Variants in ZNF518A observed in about 807,000 individuals in gnomAD.
The protein encoded by ZNF518A is zinc finger protein 518A.
ZNF518A carries 47 observed loss-of-function variants against 102.7 expected under a neutral mutation model. That is an observed-to-expected ratio of 0.46 (90% CI 0.36 to 0.58). The LOEUF (loss-of-function observed/expected upper bound fraction) is 0.58, where lower values mean the gene tolerates loss of function less well. Among genes scored for constraint, ZNF518A ranks in the 20% least tolerant of loss-of-function variants. The pLI, the probability that ZNF518A is intolerant of heterozygous loss-of-function variation, is 0.00. For missense variants in ZNF518A, 1,793 were observed against 1,699.8 expected (o/e 1.05, Z -0.96); for synonymous variants, 652 against 594.6 (o/e 1.10, Z -1.40).
chr10:96,201,186 G>T, intron 1 of ZNF518A: 1 of 822,894 alleles, frequency 1.2e-6, no homozygotes, highest in Non-Finnish European at 2.0e-6. Context: ...TAAGGCAATG[G>T]TTCCAAAAGT....
At chr10:96,189,380 G>T in intron 1 of ZNF518A, 1 of 575,882 alleles carries the variant, frequency 1.7e-6, no homozygotes, top group Admixed American at 2.1e-5. Flanking sequence ...TTCCTCCACT[G>T]CCAGGATCTT....
chr10:96,200,176 C>T lies in ZNF518A; in HGVS notation n.36-3398C>T, dbSNP rs370206675. ...CCAGCTTCCTGTGAAATGGAGGGCA[C>T]TGGTCAGCATGGGATGGTCCCTACT... On this transcript the variant is annotated intron_variant and non_coding_transcript_variant, in intron 1 of 2. Transcript: ENST00000442635. The surrounding 1 kb of genome is among the most constrained non-coding windows in gnomAD (Gnocchi z 4.3). The T allele has an allele frequency of 1.2e-6, 2 of 1,611,482 alleles. No homozygotes were observed. Among genetic ancestry groups the T allele is most frequent in the Non-Finnish European group, 1.7e-6 (2 of 1,177,898 alleles).
intron 1 of ZNF518A, among the ~76,000 whole-genome samples, chr10:96,203,102 G>A (rs1554896628): frequency 6.6e-6 from 1 of 152,002 alleles, no homozygotes; most frequent in African/African-American, 2.4e-5. Context: ...ATGAGGACAG[G>A]GTCTTTATTT....
intron 1 of ZNF518A, among the ~76,000 whole-genome samples, chr10:96,194,331 G>A (rs1221171740): frequency 1.3e-5 from 2 of 152,162 alleles, no homozygotes; most frequent in East Asian, 3.8e-4. Context: ...AGATTCAAGA[G>A]TTTTGCATTT....
chr10:96,145,432 C>T (rs2082126870), intron 3 of ZNF518A, among the ~76,000 whole-genome samples: 1 of 152,196 alleles, frequency 6.6e-6, no homozygotes, highest in Admixed American at 6.5e-5. Flanking sequence ...TATTAATTCC[C>T]ATTACTTTTT....
chr10:96,177,535 A>G (rs1212134954), intron 1 of ZNF518A, among the ~76,000 whole-genome samples: 1 of 152,212 alleles, frequency 6.6e-6, no homozygotes, highest in East Asian at 1.9e-4. Flanking sequence ...ATGTAGGAGT[A>G]AAATGTATGA....
intron 1 of ZNF518A, among the ~76,000 whole-genome samples, chr10:96,198,072 G>A (rs2083521643): frequency 1.3e-5 from 2 of 151,730 alleles, no homozygotes; most frequent in African/African-American, 4.8e-5. Flanking sequence ...TGCAACAAGA[G>A]TTGATCAAAC....
intron 3 of ZNF518A, among the ~76,000 whole-genome samples, chr10:96,141,618 T>C (rs1441847506): frequency 3.9e-5 from 6 of 152,368 alleles, no homozygotes; most frequent in African/African-American, 1.4e-4. Context: ...CCAATATCAA[T>C]TGCATACCAG....
chr10:96,193,053 A>T (rs936225948), intron 1 of ZNF518A, among the ~76,000 whole-genome samples: 17 of 152,236 alleles, frequency 1.1e-4, no homozygotes, highest in Admixed American at 1.1e-3. Context: ...AATATTCAGA[A>T]TATTGGCCAA....
intron 1 of ZNF518A, among the ~76,000 whole-genome samples, chr10:96,177,562 G>C (rs1261742404): frequency 6.6e-6 from 1 of 152,126 alleles, no homozygotes; most frequent in African/African-American, 2.4e-5. Flanking sequence ...TAGCACAAAG[G>C]CAGGGAAGGG....
intron 1 of ZNF518A, among the ~76,000 whole-genome samples, chr10:96,188,239 T>C (rs995107296): frequency 1.3e-5 from 2 of 152,222 alleles, no homozygotes; most frequent in Admixed American, 1.3e-4. Flanking sequence ...TGGACTCTTC[T>C]GCAAGATGAG....
rs2082871090 is a variant in ZNF518A at position 96,159,238 on chromosome 10, A to G, written c.2916A>G (p.Val972=). The G allele has an allele frequency of 1.2e-6, 2 of 1,613,418 alleles. No homozygotes were observed. Among genetic ancestry groups the G allele is most frequent in the East Asian group, 2.2e-5 (1 of 44,896 alleles). The stretch of plus-strand genomic sequence containing the variant: ...AAGGTATCCCTGCTTCTCTTTTTGT[A>G]AACAAGAAACCTGGGATGGTTTTAA... ...NSQGIPASLF[V]NKKPGMVLTL... Residue 972 remains valine (V), a synonymous_variant, in exon 6 of 6, where the codon GTA becomes GTG. Coordinates refer to ENST00000316045, the MANE Select transcript of ZNF518A (RefSeq NM_001330736.2).
chr10:96,141,134 T>C (rs1339522219), intron 3 of ZNF518A, among the ~76,000 whole-genome samples: 3 of 152,218 alleles, frequency 2.0e-5, no homozygotes, highest in African/African-American at 7.2e-5. Context: ...GGTTAGGCAC[T>C]TGTGTACCCA....
In ZNF518A at chr10:96,159,271, T is replaced by C. The variant is rs1554885770; in HGVS notation, c.2949T>C (p.Asn983=). Residue 983 remains asparagine, a synonymous_variant, in exon 6 of 6, where the codon AAT becomes AAC. Coordinates refer to ENST00000316045, the MANE Select transcript of ZNF518A (RefSeq NM_001330736.2). The part of the protein sequence containing the change: ...NKKPGMVLTL[N]NGKLEGVSAV... The stretch of plus-strand genomic sequence containing the variant: ...AACCTGGGATGGTTTTAACACTTAA[T>C]AATGGGAAACTTGAAGGTGTTTCCG... 8.7e-6 allele frequency: 14 copies of C among 1,613,530 alleles called. No homozygotes were observed. Among genetic ancestry groups the C allele is most frequent in the Non-Finnish European group, 9.3e-6 (11 of 1,179,714 alleles).
chr10:96,143,960 T>C (rs992860520), intron 3 of ZNF518A, among the ~76,000 whole-genome samples: 17 of 152,184 alleles, frequency 1.1e-4, no homozygotes, highest in Admixed American at 3.9e-4. Flanking sequence ...AATTTAAAAA[T>C]GTATTCTGTG....
At chr10:96,143,718 G>A (rs2082044226) in intron 3 of ZNF518A, among the ~76,000 whole-genome samples, 1 of 152,216 alleles carries the variant, frequency 6.6e-6, no homozygotes, top group Admixed American at 6.5e-5. Flanking sequence ...AAGGCTTGTG[G>A]TGGTGACATT....
At chr10:96,139,158 G>A (rs139537758) in intron 3 of ZNF518A, among the ~76,000 whole-genome samples, 3 of 152,088 alleles carry the variant, frequency 2.0e-5, no homozygotes, top group African/African-American at 7.2e-5. Context: ...GCTTGTTGGA[G>A]TATATGTACA....
At chr10:96,156,124 C>A in intron 5 of ZNF518A, 73 bp from the exon 6 acceptor site, 1 of 391,596 alleles carries the variant, frequency 2.6e-6, no homozygotes, top group Non-Finnish European at 4.4e-6. Context: ...CTACTTTGTG[C>A]CAAAATGAAC....
intron 3 of ZNF518A, among the ~76,000 whole-genome samples, chr10:96,149,208 C>T (rs2082316432): frequency 1.3e-5 from 2 of 152,134 alleles, no homozygotes; most frequent in African/African-American, 4.8e-5. Flanking sequence ...TTGGTACTTA[C>T]CTTGTCATGG....
Sources: gnomAD v4.1 joint callset for allele counts (sites outside exome capture counted in the v4.1 genomes callset) on GRCh38, gnomAD v4.1.1 for gene constraint, Gnocchi (gnomAD v3.1) non-coding constraint, MANE v1.5 for transcripts, NCBI Gene and HGNC (gene_info 2026-07-23, HGNC 2026-07-21) for gene names.